Variants in LPP observed in about 807,000 individuals in gnomAD.
LPP encodes lipoma-preferred partner.
LPP carries 38 observed loss-of-function variants against 60.4 expected under a neutral mutation model. The observed-to-expected ratio is 0.63, with a 90% CI of 0.49 to 0.83. The LOEUF (loss-of-function observed/expected upper bound fraction) is 0.83, where lower values mean the gene tolerates loss of function less well. LPP is among the 40% of genes least tolerant of loss of function. LPP has a pLI of 0.00. For synonymous variants in LPP, 328 were observed against 290.8 expected, an observed-to-expected ratio of 1.13 and a Z score of -1.30; for missense variants, 902 against 783.6, an observed-to-expected ratio of 1.15 and a Z score of -1.80.
chr3:188,872,436 C>A (rs1181885807), intron 10 of LPP, among the ~76,000 whole-genome samples: 1 of 152,204 alleles, frequency 6.6e-6, no homozygotes, highest in Non-Finnish European at 1.5e-5. Context: ...AAGCAATTCA[C>A]ACGCTCACTC....
intron 6 of LPP, among the ~76,000 whole-genome samples, chr3:188,594,891 T>C (rs1839685113): frequency 6.6e-6 from 1 of 152,182 alleles, no homozygotes; most frequent in African/African-American, 2.4e-5. Flanking sequence ...GTTTTTCTTA[T>C]TCACATATAG....
intron 1 of LPP, among the ~76,000 whole-genome samples, chr3:188,214,527 T>C (rs1201022602): frequency 2.6e-5 from 4 of 152,230 alleles, no homozygotes; most frequent in African/African-American, 4.8e-5. Flanking sequence ...AGGTGGCAGA[T>C]GTAATAGAGC....
intron 3 of LPP, among the ~76,000 whole-genome samples, chr3:188,366,870 C>T (rs1771320625): frequency 6.6e-6 from 1 of 152,034 alleles, no homozygotes. Flanking sequence ...CTGATGTCTT[C>T]TCACTGTTTT....
intron 2 of LPP, among the ~76,000 whole-genome samples, chr3:188,243,473 G>T (rs1019949441): frequency 6.6e-6 from 1 of 152,186 alleles, no homozygotes; most frequent in Admixed American, 6.5e-5. Flanking sequence ...TCAGAAGGCC[G>T]GATCTGGGAA....
intron 9 of LPP, among the ~76,000 whole-genome samples, chr3:188,865,328 C>T (rs905160437): frequency 5.3e-5 from 8 of 152,166 alleles, no homozygotes; most frequent in Non-Finnish European, 1.0e-4. Flanking sequence ...TTTCTTAATT[C>T]ACTTTTTCAA....
chr3:188,454,545 C>T (rs1289631118), intron 4 of LPP, among the ~76,000 whole-genome samples: 2 of 152,016 alleles, frequency 1.3e-5, no homozygotes, highest in Non-Finnish European at 2.9e-5. Context: ...GCATTCTATG[C>T]AAGGATGAGC....
intron 7 of LPP, among the ~76,000 whole-genome samples, chr3:188,645,397 C>T (rs180757978): frequency 6.6e-6 from 1 of 152,240 alleles, no homozygotes; most frequent in East Asian, 1.9e-4. Flanking sequence ...TTTGGATGGC[C>T]ATCCTCAGTG....
At chr3:188,353,868 C>CT (rs1766708008) in intron 3 of LPP, among the ~76,000 whole-genome samples, 1 of 152,030 alleles carries the variant, frequency 6.6e-6, no homozygotes, top group Non-Finnish European at 1.5e-5. Flanking sequence ...ACTCCTTTAA[C>CT]TTTTAACAAA....
intron 2 of LPP, among the ~76,000 whole-genome samples, chr3:188,311,674 T>C (rs889609840): frequency 1.3e-5 from 2 of 151,988 alleles, no homozygotes; most frequent in Non-Finnish European, 2.9e-5. Flanking sequence ...TCTGTCTTGC[T>C]GTCACCCAGG....
intron 2 of LPP, among the ~76,000 whole-genome samples, chr3:188,298,046 A>G (rs1748526959): frequency 1.3e-5 from 2 of 152,208 alleles, no homozygotes; most frequent in Admixed American, 6.5e-5. Context: ...ACCTACTGTT[A>G]TCTTTTTTCC....
At chr3:188,362,386 G>C (rs940872280) in intron 3 of LPP, among the ~76,000 whole-genome samples, 2 of 152,032 alleles carry the variant, frequency 1.3e-5, no homozygotes, top group South Asian at 4.1e-4. Context: ...TTCTTTACTG[G>C]ATATCCTTTT....
chr3:188,431,133 T>C lies in LPP; in HGVS notation c.193+24820T>C, dbSNP rs571597613. 4.5e-4 allele frequency among the ~76,000 whole-genome samples: 68 copies of C among 152,258 alleles called. No individual in the cohort carries two copies. In the Middle Eastern group the frequency reaches 0.01, roughly 23 times the overall value. Reference sequence around the variant, plus strand: ...TGCGTGAAATGGTTGTCATCTGGAATGACTGCCTTTTACCCTAGAAAACAG... The same window carrying C: ...TGCGTGAAATGGTTGTCATCTGGAACGACTGCCTTTTACCCTAGAAAACAG... On this transcript the variant is annotated intron_variant, in intron 4 of 11. Transcript: ENST00000617246.
chr3:188,475,835 G>A (rs1224122296), intron 4 of LPP, among the ~76,000 whole-genome samples: 1 of 152,120 alleles, frequency 6.6e-6, no homozygotes, highest in Non-Finnish European at 1.5e-5. Context: ...CCCGGGAGGC[G>A]GAGCTTGCAG....
chr3:188,629,057 G>A (rs754165189), intron 7 of LPP, among the ~76,000 whole-genome samples: 11 of 151,970 alleles, frequency 7.2e-5, no homozygotes, highest in Admixed American at 3.3e-4. Flanking sequence ...ATTCAACATC[G>A]CTTCATGTTA....
intron 6 of LPP, among the ~76,000 whole-genome samples, chr3:188,541,636 C>A (rs1038134481): frequency 6.6e-6 from 1 of 151,874 alleles, no homozygotes; most frequent in Non-Finnish European, 1.5e-5. Context: ...ATTAAATATG[C>A]CTGTAATCCC....
At position 188,441,885 on chromosome 3, in the gene LPP, A is replaced by G. The variant is rs371855575; in HGVS notation, c.193+35572A>G. Reference sequence around the variant, plus strand: ...ATGATCCGCCCACCTCGGCCTCCCAAGTGCTGGGATTACAGGCGTGAGCCA... The same window carrying G: ...ATGATCCGCCCACCTCGGCCTCCCAGGTGCTGGGATTACAGGCGTGAGCCA... On this transcript the variant is annotated intron_variant, in intron 4 of 11. Coordinates refer to ENST00000617246, the MANE Select transcript of LPP (RefSeq NM_001375462.1). 8.6e-5 allele frequency among the ~76,000 whole-genome samples: 13 copies of G among 151,160 alleles called. No individual in the cohort carries two copies. In the East Asian group the frequency reaches 1.6e-3, roughly 18 times the overall value.
At position 188,874,624 on chromosome 3, in the gene LPP, AT is replaced by A. The variant is rs566599068; in HGVS notation, c.*153del. The A allele has an allele frequency of 2.0e-4, 190 of 934,200 alleles. No homozygotes were observed. Among genetic ancestry groups the A allele is most frequent in the Non-Finnish European group, 2.5e-4 (166 of 652,000 alleles). 57.9% of individuals were successfully genotyped at this position (934,200 alleles called of 1,614,324 possible). ...GCCTTAGAAACACATAAATTATGAG[AT>A]TTTTTTTAAAAGTTGTTACCAAATA... On this transcript the variant is annotated 3_prime_UTR_variant, in exon 12 of 12. Transcript: ENST00000617246.
At chr3:188,763,243 G>A (rs920617737) in intron 9 of LPP, among the ~76,000 whole-genome samples, 1 of 148,304 alleles carries the variant, frequency 6.7e-6, no homozygotes, top group African/African-American at 2.5e-5. Flanking sequence ...ATCAGTCAGT[G>A]TGCCTGTCTT....
intron 6 of LPP, among the ~76,000 whole-genome samples, chr3:188,536,525 G>A (rs553111364): frequency 6.6e-6 from 1 of 152,126 alleles, no homozygotes; most frequent in African/African-American, 2.4e-5. Flanking sequence ...AATAAACTTT[G>A]TGTCCATACA....
Sources: gnomAD v4.1 joint callset for allele counts (sites outside exome capture counted in the v4.1 genomes callset) on GRCh38, gnomAD v4.1.1 for gene constraint, MANE v1.5 for transcripts, NCBI Gene and HGNC (gene_info 2026-07-23, HGNC 2026-07-21) for gene names.